MTMR1: variants seen among roughly 807,000 people sequenced by gnomAD.
The protein encoded by MTMR1 is myotubularin related protein 1, also known as phosphatidylinositol-3-phosphate phosphatase MTMR1.
MTMR1 carries 17 observed loss-of-function variants against 51.6 expected under a neutral mutation model. The ratio of observed to expected loss-of-function variants is 0.33; its 90% CI spans 0.23 to 0.49. The LOEUF (loss-of-function observed/expected upper bound fraction) is 0.49, where lower values mean the gene tolerates loss of function less well. Among genes scored for constraint, MTMR1 ranks in the 20% least tolerant of loss-of-function variants. The pLI is 0.99. For synonymous variants in MTMR1, 201 were observed against 205.6 expected, an observed-to-expected ratio of 0.98 and a Z score of 0.19; for missense variants, 386 against 526.9, an observed-to-expected ratio of 0.73 and a Z score of 2.62.
chrX:150,753,836 ATTTATCTATTT>A (rs2042826919), intron 14 of MTMR1, among the ~76,000 whole-genome samples: 1 of 111,851 alleles, frequency 8.9e-6, no homozygotes, highest in Non-Finnish European at 1.9e-5. Context: ...ATGAACTGCA[ATTTATCTATTT>A]TTTCTCTTGC....
At chrX:150,757,369 C>T (rs781832942) in intron 15 of MTMR1, among the ~76,000 whole-genome samples, 1 of 112,969 alleles carries the variant, frequency 8.9e-6, no homozygotes, top group South Asian at 3.6e-4. Flanking sequence ...CTAGTCATCA[C>T]TTGCCTCTTC....
At chrX:150,704,722 G>A (rs1204679399) in intron 2 of MTMR1, among the ~76,000 whole-genome samples, 4 of 111,945 alleles carry the variant, frequency 3.6e-5, no homozygotes, top group Non-Finnish European at 5.6e-5. Context: ...TAGAAGTAAT[G>A]AAGTAGTGCT....
intron 12 of MTMR1, among the ~76,000 whole-genome samples, chrX:150,737,687 T>C (rs781799048): frequency 4.5e-5 from 5 of 112,318 alleles, no homozygotes; most frequent in African/African-American, 9.7e-5. Context: ...GTAAAATTCA[T>C]ATAACATAGA....
At chrX:150,761,128 G>A (rs971942626) in intron 15 of MTMR1, among the ~76,000 whole-genome samples, 2 of 110,356 alleles carry the variant, frequency 1.8e-5, no homozygotes, top group Non-Finnish European at 3.8e-5. Context: ...ATTGCAAGGC[G>A]TCCCTTGTCT....
intron 4 of MTMR1, among the ~76,000 whole-genome samples, chrX:150,722,376 G>C (rs782774063): frequency 8.9e-6 from 1 of 111,777 alleles, no homozygotes; most frequent in African/African-American, 3.2e-5. Context: ...AGTTCTATTA[G>C]TTTTGCTTTA....
At chrX:150,759,597 C>T (rs2043025221) in intron 15 of MTMR1, among the ~76,000 whole-genome samples, 1 of 109,495 alleles carries the variant, frequency 9.1e-6, no homozygotes, top group Admixed American at 9.7e-5. Context: ...TGGTGTCCCA[C>T]AGGGGTGCAC....
intron 4 of MTMR1, among the ~76,000 whole-genome samples, chrX:150,719,572 C>G (rs781872090): frequency 1.8e-5 from 2 of 111,975 alleles, no homozygotes; most frequent in African/African-American, 3.3e-5. Context: ...GGGCGTTCTT[C>G]TAGCTCTGCC....
intron 14 of MTMR1, among the ~76,000 whole-genome samples, chrX:150,754,594 A>G (rs1451773048): frequency 1.8e-5 from 2 of 112,562 alleles, no homozygotes; most frequent in Non-Finnish European, 3.7e-5. Context: ...TTAGGGGAAG[A>G]AGAGATAACT....
chrX:150,703,509 A>G (rs2293737), intron 2 of MTMR1, among the ~76,000 whole-genome samples: 29,605 of 111,229 alleles, frequency 0.27, 3,124 homozygotes, highest in South Asian at 0.5. Context: ...CACAGTAGCT[A>G]TATCTCTTCT....
At chrX:150,732,406 G>T in intron 9 of MTMR1, 136 bp from the exon 10 acceptor site, 1 of 511,942 alleles carries the variant, frequency 2.0e-6, no homozygotes, top group Non-Finnish European at 3.1e-6. Flanking sequence ...TGCTGTGATT[G>T]GCCTGCCCAC....
At chrX:150,727,365 A>G (rs1381438912) in intron 5 of MTMR1, 56 bp downstream of exon 5, 6 of 1,013,634 alleles carry the variant, frequency 5.9e-6, no homozygotes, top group Non-Finnish European at 8.2e-6. Context: ...AAGAACACTA[A>G]AAGAAGAAAG....
chrX:150,693,706 C>T (rs1445551307), intron 1 of MTMR1, 30 bp downstream of exon 1: 1 of 753,145 alleles, frequency 1.3e-6, no homozygotes, highest in Non-Finnish European at 1.6e-6. Flanking sequence ...CCCCGGCCTC[C>T]CGCGCCCCGA....
chrX:150,760,521 C>T (rs181422468), intron 15 of MTMR1, among the ~76,000 whole-genome samples: 6 of 112,149 alleles, frequency 5.4e-5, no homozygotes, highest in East Asian at 2.8e-4. Flanking sequence ...AGTACCCATG[C>T]GGCAAACATG....
intron 3 of MTMR1, among the ~76,000 whole-genome samples, chrX:150,717,063 A>G (rs1260175737): frequency 9.0e-6 from 1 of 110,854 alleles, no homozygotes; most frequent in African/African-American, 3.3e-5. Context: ...ATGTCTCACT[A>G]AAAAAAGCAA....
At chrX:150,725,347 T>A (rs1442989019) in intron 4 of MTMR1, among the ~76,000 whole-genome samples, 1 of 112,194 alleles carries the variant, frequency 8.9e-6, no homozygotes, top group Non-Finnish European at 1.9e-5. Flanking sequence ...TGAATGGGAT[T>A]GCATTCCTGA....
At chrX:150,752,101 A>C (rs1197282259) in intron 14 of MTMR1, among the ~76,000 whole-genome samples, 1 of 109,435 alleles carries the variant, frequency 9.1e-6, no homozygotes, top group African/African-American at 3.3e-5. Flanking sequence ...TATGTTTAGT[A>C]GAGACAGGGT....
At chrX:150,735,531 T>C (rs1557417133) in intron 10 of MTMR1, 3 of 492,328 alleles carry the variant, frequency 6.1e-6, no homozygotes, top group South Asian at 5.7e-5. Flanking sequence ...TTCTAGTTTT[T>C]GGATGACCCA....
Position 150,737,335 on chromosome X carries a change from G to T in MTMR1, c.1360G>T (p.Ala454Ser), listed in dbSNP as rs367683804. The change falls in exon 12 of 16, where the codon GCC (alanine) becomes TCC (serine). Residue 454 changes from alanine to serine, a missense_variant. Coordinates refer to ENST00000445323, the MANE Select transcript of MTMR1 (RefSeq NM_001306144.3). ...VHCSDGWDRTAQLTSLAMLML... is the reference protein window; with the variant it reads ...VHCSDGWDRTSQLTSLAMLML... ...TTGCAGCGACGGTTGGGACCGAACA[G>T]CCCAGCTCACATCTCTGGCTATGCT... 2.0e-5 allele frequency: 24 copies of T among 1,209,450 alleles called. No homozygotes were observed. Among genetic ancestry groups the T allele is most frequent in the African/African-American group, 3.5e-5 (2 of 57,076 alleles).
intron 3 of MTMR1, among the ~76,000 whole-genome samples, chrX:150,714,141 T>C (rs2148584203): frequency 8.9e-6 from 1 of 112,533 alleles, no homozygotes; most frequent in African/African-American, 3.2e-5. Context: ...GTGCCTGTTA[T>C]TTTGTTTCTT....
Sources: allele counts gnomAD v4.1 joint callset (sites outside exome capture counted in the v4.1 genomes callset), GRCh38; gene constraint gnomAD v4.1.1; transcripts MANE v1.5; gene names NCBI Gene and HGNC (gene_info 2026-07-23, HGNC 2026-07-21).